Variants in CHKA observed in about 807,000 individuals in gnomAD.
The protein encoded by CHKA is choline kinase alpha.
A neutral mutation model predicts 60.1 loss-of-function variants in CHKA; 34 were observed. The observed-to-expected ratio is 0.57, with a 90% confidence interval of 0.43 to 0.75. The LOEUF (loss-of-function observed/expected upper bound fraction) is 0.75. CHKA is among the 30% of genes least tolerant of loss of function. The probability of loss-of-function intolerance (pLI) is 0.00; values close to 1 mark genes in which losing one functional copy is unlikely to be tolerated. For synonymous variants in CHKA, 217 were observed against 223.1 expected, an observed-to-expected ratio of 0.97 and a Z score of 0.24; for missense variants, 563 against 561.3, an observed-to-expected ratio of 1.00 and a Z score of -0.03.
At chr11:68,085,279 A>G (rs1219670406) in intron 2 of CHKA, among the ~76,000 whole-genome samples, 1 of 152,152 alleles carries the variant, frequency 6.6e-6, no homozygotes, top group Non-Finnish European at 1.5e-5. Context: ...GTTGGAGTGC[A>G]GTGGCAGGAA....
intron 2 of CHKA, among the ~76,000 whole-genome samples, chr11:68,091,206 C>T (rs1857337746): frequency 6.6e-6 from 1 of 152,202 alleles, no homozygotes; most frequent in African/African-American, 2.4e-5. Context: ...ACTATTACTT[C>T]TCAAAACTTC....
chr11:68,064,635 A>C lies in CHKA; in HGVS notation c.1126-4T>G. ...AGTAACTGGAAATAAAATGGAGCTT[A>C]AAAAAAAGTAATTGTGTTAGGATCA... On this transcript the variant is annotated splice_polypyrimidine_tract_variant and splice_region_variant and intron_variant, in intron 9 of 11. Coordinates refer to ENST00000265689, the MANE Select transcript of CHKA (RefSeq NM_001277.3). 1 of 1,503,840 alleles carries C rather than the reference A, an allele frequency of 6.6e-7. No individual in the cohort carries two copies. Among genetic ancestry groups the C allele is most frequent in the Non-Finnish European group, 9.1e-7 (1 of 1,097,314 alleles). The allele number at this position is 1,503,840 out of a possible 1,614,324, so 93.2% of individuals were successfully genotyped here.
chr11:68,065,561 C>T (rs764646768), intron 9 of CHKA, among the ~76,000 whole-genome samples: 1 of 151,946 alleles, frequency 6.6e-6, no homozygotes, highest in Admixed American at 6.6e-5. Flanking sequence ...ATTAGCTGGG[C>T]GTGGTGGCAT....
chr11:68,067,116 C>G (rs1856469158), intron 7 of CHKA, among the ~76,000 whole-genome samples: 1 of 152,184 alleles, frequency 6.6e-6, no homozygotes, highest in African/African-American at 2.4e-5. Context: ...ATCAGCCTGG[C>G]TCTGCAGGCC....
Position 68,121,283 on chromosome 11 carries a change from G to A in CHKA, c.-106C>T, listed in dbSNP as rs1858640967. ...CGCTCTCTCACTGGCAGGCCGGCGG[G>A]GCAGGGGGCCGCGGCGGTTGGGCGC... On this transcript the variant is annotated 5_prime_UTR_variant, in exon 1 of 12. Coordinates refer to ENST00000265689, the MANE Select transcript of CHKA (RefSeq NM_001277.3). 3.1e-6 allele frequency: 3 copies of A among 953,992 alleles called. No individual in the cohort carries two copies. The highest frequency in any genetic ancestry group is 3.8e-6 in the Non-Finnish European group (3 of 787,064). 59.1% of individuals were successfully genotyped at this position (953,992 alleles called of 1,614,324 possible).
At position 68,080,019 on chromosome 11, in the gene CHKA, A is replaced by C. The variant is rs115694688; in HGVS notation, c.516+1385T>G. ...TTCAAAAGGGTGGGGGTCATGTCAA[A>C]TGCTACTGAGAAGTCAAAATAAAAT... is the stretch of plus-strand genomic sequence containing the variant. On this transcript the variant is annotated intron_variant, in intron 3 of 11. Transcript: ENST00000265689. Among the ~76,000 whole-genome samples the C allele has an allele frequency of 6.4e-3, 969 of 152,358 alleles. 10 individuals carry two copies. The highest frequency in any genetic ancestry group is 0.022 in the African/African-American group (907 of 41,580).
intron 6 of CHKA, among the ~76,000 whole-genome samples, chr11:68,069,446 G>C (rs1856545414): frequency 6.6e-6 from 1 of 152,098 alleles, no homozygotes; most frequent in Non-Finnish European, 1.5e-5. Flanking sequence ...TAGCACTTTG[G>C]GAGGCCGAGG....
rs141301224 is a variant in CHKA, at chr11:68,070,240, T to C, written c.818A>G (p.Lys273Arg). 33 of 1,614,114 alleles carry C rather than the reference T, an allele frequency of 2.0e-5. No individual in the cohort carries two copies. Among genetic ancestry groups the C allele is most frequent in the Non-Finnish European group, 2.5e-5 (30 of 1,179,958 alleles). The change falls in exon 6 of 12, where the codon AAG (lysine) becomes AGG (arginine). Residue 273 changes from lysine (K) to arginine (R), a missense_variant. By Grantham distance (26) the Lys-to-Arg change is conservative. Coordinates refer to ENST00000265689, the MANE Select transcript of CHKA (RefSeq NM_001277.3). ...IKFTEESRIK[K>R]LHKLLSYNLP... is the part of the protein sequence containing the mutation. ...ATTGTAACTGAGCAATTTGTGGAGC[T>C]TTTTAATTCTGGATTCCTCAGTAAA...
chr11:68,102,352 A>T (rs1857758254), intron 1 of CHKA, among the ~76,000 whole-genome samples: 1 of 152,196 alleles, frequency 6.6e-6, no homozygotes, highest in South Asian at 2.1e-4. Flanking sequence ...GTGTTGGCAT[A>T]AAAACAGACA....
intron 11 of CHKA, among the ~76,000 whole-genome samples, chr11:68,059,767 C>A (rs571046682): frequency 4.6e-5 from 7 of 152,116 alleles, no homozygotes; most frequent in Non-Finnish European, 7.3e-5. Context: ...ATTTCAATCC[C>A]TTTGAATTTA....
At chr11:68,107,930 C>T (rs190751914) in intron 1 of CHKA, among the ~76,000 whole-genome samples, 15 of 152,220 alleles carry the variant, frequency 9.9e-5, no homozygotes, top group South Asian at 2.1e-4. Context: ...ACGAAAGACA[C>T]GGAAATTACG....
In CHKA at chr11:68,093,940, T is replaced by C. The variant is rs544892776; in HGVS notation, c.462+3079A>G. ...TTAGTGACATGTGGCTGATGACGAG[T>C]GTATCAGACAGCACAGATGCAGAAC... On this transcript the variant is annotated intron_variant, in intron 2 of 11. Transcript: ENST00000265689. Among the ~76,000 whole-genome samples, 7 of 152,258 alleles carry C rather than the reference T, an allele frequency of 4.6e-5. No individual in the cohort carries two copies. In the South Asian group the frequency reaches 1.5e-3, roughly 32 times the overall value.
chr11:68,068,717 C>T (rs1336164654), intron 7 of CHKA, among the ~76,000 whole-genome samples, 162 bp downstream of exon 7: 2 of 152,142 alleles, frequency 1.3e-5, no homozygotes, highest in Non-Finnish European at 2.9e-5. Flanking sequence ...TGTGACTGGC[C>T]TCATACTCTA....
At chr11:68,111,273 G>T (rs1319949643) in intron 1 of CHKA, among the ~76,000 whole-genome samples, 2 of 152,198 alleles carry the variant, frequency 1.3e-5, no homozygotes, top group East Asian at 3.9e-4. Context: ...TTAGCTGGGC[G>T]TGGTGGTGGG....
In CHKA at chr11:68,109,875, C is replaced by T. The variant is rs115853335; in HGVS notation, c.350+10953G>A. On this transcript the variant is annotated intron_variant, in intron 1 of 11. Transcript: ENST00000265689. ...ACTGAGGCATGAGAATTGCTTGAAT[C>T]CAGGGAGTAGAGGTTGCAGTGAGCC... Among the ~76,000 whole-genome samples the T allele has an allele frequency of 5.5e-3, 838 of 152,204 alleles. 10 individuals carry two copies. Among genetic ancestry groups the T allele is most frequent in the African/African-American group, 0.019 (775 of 41,542 alleles).
At chr11:68,099,489 T>C (rs1318140446) in intron 1 of CHKA, among the ~76,000 whole-genome samples, 1 of 152,222 alleles carries the variant, frequency 6.6e-6, no homozygotes, top group Non-Finnish European at 1.5e-5. Context: ...AGAGTCAGGA[T>C]CTATTTTCCC....
intron 1 of CHKA, among the ~76,000 whole-genome samples, chr11:68,109,125 T>A (rs111329472): frequency 0.045 from 6,532 of 146,334 alleles, 183 homozygotes; most frequent in African/African-American, 0.073. Flanking sequence ...AGTCTCGCTC[T>A]GTCCCCCAGG....
intron 2 of CHKA, among the ~76,000 whole-genome samples, chr11:68,088,102 G>A (rs1437644783): frequency 1.6e-5 from 2 of 123,994 alleles, no homozygotes; most frequent in Non-Finnish European, 3.3e-5. Context: ...GACAGTGGGA[G>A]GCTGTCTCAA....
In CHKA at chr11:68,074,765, T is replaced by C; in HGVS notation, c.582A>G (p.Pro194=). The change falls in exon 4 of 12, where the codon CCA becomes CCG. Residue 194 remains proline, a synonymous_variant. Transcript: ENST00000265689. The part of the protein sequence containing the change: ...FAILAERSLG[P]KLYGIFPQGR... ...CTTGGGGAAAGATGCCATAGAGTTT[T>C]GGCCCAAGTGACCTCTCTGCGAGAA... The C allele has an allele frequency of 6.2e-7, 1 of 1,614,270 alleles. No homozygotes were observed. Among genetic ancestry groups the C allele is most frequent in the Non-Finnish European group, 8.5e-7 (1 of 1,180,052 alleles).
Sources: allele counts gnomAD v4.1 joint callset (sites outside exome capture counted in the v4.1 genomes callset), GRCh38; gene constraint gnomAD v4.1.1; transcripts MANE v1.5; gene names NCBI Gene and HGNC (gene_info 2026-07-23, HGNC 2026-07-21).